The following CCNY variants were observed in gnomAD, a reference collection of about 807,000 sequenced individuals.
CCNY encodes the protein cyclin-Y.
A neutral mutation model predicts 42.8 loss-of-function variants in CCNY; 19 were observed. The ratio of observed to expected loss-of-function variants is 0.44; its 90% CI spans 0.31 to 0.65. The LOEUF (loss-of-function observed/expected upper bound fraction) is 0.65, where lower values mean the gene tolerates loss of function less well. CCNY is among the 30% of genes least tolerant of loss of function. CCNY has a pLI of 0.07. For missense variants in CCNY, 370 were observed against 437.3 expected, an observed-to-expected ratio of 0.85 and a Z score of 1.37; for synonymous variants, 165 against 162.7, an observed-to-expected ratio of 1.01 and a Z score of -0.11.
chr10:35,348,152 C>T (rs11010180), intron 1 of CCNY, among the ~76,000 whole-genome samples: 43,873 of 152,070 alleles, frequency 0.29, 6,618 homozygotes, highest in Admixed American at 0.35. Context: ...GTTTATATAG[C>T]ATTAGAGATT....
chr10:35,250,538 T>C (rs183027197), exon 3 of CCNY: 39 of 152,364 alleles, frequency 2.6e-4, no homozygotes, highest in African/African-American at 8.4e-4. Flanking sequence ...CGGGTGAAAA[T>C]CTTTGGAAGA....
chr10:35,453,192 C>T (rs1464894404), intron 1 of CCNY, among the ~76,000 whole-genome samples: 1 of 152,202 alleles, frequency 6.6e-6, no homozygotes, highest in Non-Finnish European at 1.5e-5. Context: ...CCACCTTGGT[C>T]TCCCAAAGTG....
At chr10:35,489,075 C>G (rs1018478453) in intron 2 of CCNY, among the ~76,000 whole-genome samples, 1 of 152,118 alleles carries the variant, frequency 6.6e-6, no homozygotes, top group Non-Finnish European at 1.5e-5. Flanking sequence ...GTCAGGAGAT[C>G]GAGACCATCC....
At chr10:35,357,940 T>C (rs778670512) in intron 1 of CCNY, among the ~76,000 whole-genome samples, 1 of 152,162 alleles carries the variant, frequency 6.6e-6, no homozygotes, top group Non-Finnish European at 1.5e-5. Context: ...TTTTGTTGCT[T>C]AAGTTGTCCA....
chr10:35,454,259 C>T lies in CCNY; in HGVS notation c.155-29145C>T, dbSNP rs1838981576. 2.0e-5 allele frequency among the ~76,000 whole-genome samples: 3 copies of T among 152,220 alleles called. No individual in the cohort carries two copies. The South Asian group carries it at 6.2e-4, about 32-fold the overall frequency. ...TGGGTGGCCCCCAGGTCCAGGGTTT[C>T]ACAGTCCAGCAGCATAGAAGCCGTT... On this transcript the variant is annotated intron_variant, in intron 1 of 9. Coordinates refer to ENST00000374704, the MANE Select transcript of CCNY (RefSeq NM_145012.6).
At chr10:35,431,142 A>G (rs1158986029) in intron 1 of CCNY, among the ~76,000 whole-genome samples, 1 of 151,954 alleles carries the variant, frequency 6.6e-6, no homozygotes, top group Non-Finnish European at 1.5e-5. Context: ...TAATACTTAC[A>G]TTAATCTTTG....
At chr10:35,461,926 T>G (rs766807118) in intron 1 of CCNY, among the ~76,000 whole-genome samples, 21 of 150,836 alleles carry the variant, frequency 1.4e-4, no homozygotes, top group Non-Finnish European at 2.5e-4. Context: ...GGATTTTCTG[T>G]TTTTTTTTCT....
chr10:35,332,470 TC>T (rs1410754168), upstream of CCNY: 1 of 152,222 alleles, frequency 6.6e-6, no homozygotes, highest in Admixed American at 6.5e-5. Context: ...TATCAGTAGA[TC>T]TATAAATTAT....
intron 1 of CCNY, among the ~76,000 whole-genome samples, chr10:35,422,993 G>T (rs896158536): frequency 3.9e-5 from 6 of 152,158 alleles, no homozygotes; most frequent in African/African-American, 1.2e-4. Context: ...CACAGTTACT[G>T]CTTTAGTTAA....
At chr10:35,514,195 T>G (rs1840381825) in intron 3 of CCNY, among the ~76,000 whole-genome samples, 1 of 152,148 alleles carries the variant, frequency 6.6e-6, no homozygotes, top group Admixed American at 6.5e-5. Flanking sequence ...AAGTTCACAT[T>G]CTATGAGTCT....
At chr10:35,272,715 G>T (rs1835185538) in intron 3 of CCNY, among the ~76,000 whole-genome samples, 1 of 152,136 alleles carries the variant, frequency 6.6e-6, no homozygotes, top group South Asian at 2.1e-4. Context: ...ATTGTGAATA[G>T]TGCTGCAATG....
intron 8 of CCNY, among the ~76,000 whole-genome samples, chr10:35,562,113 C>T (rs895070217): frequency 5.9e-5 from 9 of 152,168 alleles, no homozygotes; most frequent in African/African-American, 2.2e-4. Flanking sequence ...AAAATTACAC[C>T]TCGAGGTTTG....
intron 4 of CCNY, 147 bp downstream of exon 4, chr10:35,516,770 G>A (rs1436194633): frequency 1.8e-6 from 1 of 562,678 alleles, no homozygotes; most frequent in South Asian, 2.4e-5. Context: ...AAGATTGGAT[G>A]GGTGGGAGTA....
chr10:35,364,666 G>A (rs1836771309), intron 1 of CCNY, among the ~76,000 whole-genome samples: 2 of 152,094 alleles, frequency 1.3e-5, no homozygotes, highest in Non-Finnish European at 2.9e-5. Flanking sequence ...TATTTATTAG[G>A]CAGTTCATTT....
At chr10:35,455,505 T>C (rs1314833639) in intron 1 of CCNY, 3 of 152,332 alleles carry the variant, frequency 2.0e-5, no homozygotes, top group African/African-American at 7.2e-5. Context: ...GAATCTCTGC[T>C]CTTTTGCAAT....
intron 3 of CCNY, among the ~76,000 whole-genome samples, chr10:35,312,071 AAAGCTATGTAAGAT>A (rs1208936071): frequency 1.3e-5 from 2 of 152,064 alleles, no homozygotes; most frequent in African/African-American, 4.8e-5. Context: ...AGGGTTTAGT[AAAGCTATGTAAGAT>A]AATTCATATT....
intron 1 of CCNY, among the ~76,000 whole-genome samples, chr10:35,445,137 A>G (rs2135302960): frequency 6.6e-6 from 1 of 152,296 alleles, no homozygotes; most frequent in South Asian, 2.1e-4. Flanking sequence ...GTAGGTCTGG[A>G]AGTCAGTGGA....
rs1841637177 is a variant in CCNY, at chr10:35,569,245, G to A, written c.*75G>A. ...TTGAGAAAAGACAGACTTGGGGTGG[G>A]TTTGTTTTTGTTTTTTCTTTCCTTT... On this transcript the variant is annotated 3_prime_UTR_variant, in exon 10 of 10. Transcript: ENST00000374704. The A allele has an allele frequency of 2.2e-6, 2 of 923,156 alleles. No homozygotes were observed. Among genetic ancestry groups the A allele is most frequent in the Admixed American group, 3.8e-5 (2 of 53,142 alleles). 57.2% of individuals were successfully genotyped at this position (923,156 alleles called of 1,614,324 possible).
intron 1 of CCNY, among the ~76,000 whole-genome samples, chr10:35,477,539 C>T (rs1386237339): frequency 6.6e-6 from 1 of 151,770 alleles, no homozygotes; most frequent in Non-Finnish European, 1.5e-5. Flanking sequence ...ACAAAAACCA[C>T]GTGATTATCT....
Sources: gnomAD v4.1 joint callset for allele counts (sites outside exome capture counted in the v4.1 genomes callset) on GRCh38, gnomAD v4.1.1 for gene constraint, MANE v1.5 for transcripts, NCBI Gene and HGNC (gene_info 2026-07-23, HGNC 2026-07-21) for gene names.